The following POGLUT1 variants were observed in gnomAD, a reference collection of about 807,000 sequenced individuals.
POGLUT1 encodes protein O-glucosyltransferase 1, also known as 9630046K23Rik.
A neutral mutation model predicts 61.3 loss-of-function variants in POGLUT1; 32 were observed. The ratio of observed to expected loss-of-function variants is 0.52; its 90% CI spans 0.39 to 0.70. POGLUT1 has a LOEUF of 0.70. Ranked by LOEUF, POGLUT1 falls within the 30% of genes least tolerant of loss-of-function variation. POGLUT1 has a pLI of 0.00. For synonymous variants in POGLUT1, 158 were observed against 158.2 expected (o/e 1.00, Z 0.01); for missense variants, 411 against 469.8 (o/e 0.87, Z 1.16).
intron 5 of POGLUT1, among the ~76,000 whole-genome samples, chr3:119,481,541 T>C (rs2107711783): frequency 6.6e-6 from 1 of 152,296 alleles, no homozygotes. Flanking sequence ...AATATTCCCT[T>C]CCTGAAGAAA....
At chr3:119,480,541 C>T (rs1232850306) in intron 5 of POGLUT1, among the ~76,000 whole-genome samples, 4 of 151,966 alleles carry the variant, frequency 2.6e-5, no homozygotes, top group Non-Finnish European at 4.4e-5. Flanking sequence ...AGCCACCGCG[C>T]CCAGCCTATT....
In POGLUT1 at chr3:119,477,257, T is replaced by C. The variant is rs892681439; in HGVS notation, c.321-56T>C. 1.3e-5 allele frequency: 21 copies of C among 1,572,196 alleles called. No homozygotes were observed. In the South Asian group the frequency reaches 1.8e-4, roughly 13 times the overall value. Reference sequence around the variant, plus strand: ...TTAAAATGTGAATGGGACCTCGCCTTGTCCTAGAGCCTGCAGGCACTACTC... The same window carrying C: ...TTAAAATGTGAATGGGACCTCGCCTCGTCCTAGAGCCTGCAGGCACTACTC... On this transcript the variant is annotated intron_variant, in intron 3 of 10. Transcript: ENST00000295588.
At chr3:119,478,578 C>T in intron 4 of POGLUT1, 1 of 350,430 alleles carries the variant, frequency 2.9e-6, no homozygotes, top group Non-Finnish European at 5.6e-6. Flanking sequence ...TACTTCCCTT[C>T]TGTTTTTTAA....
intron 3 of POGLUT1, among the ~76,000 whole-genome samples, chr3:119,473,127 C>T (rs2081495766): frequency 6.6e-6 from 1 of 152,072 alleles, no homozygotes; most frequent in African/African-American, 2.4e-5. Context: ...TATCAGATAT[C>T]GGAGGAAATA....
intron 6 of POGLUT1, among the ~76,000 whole-genome samples, 180 bp downstream of exon 6, chr3:119,485,567 ATTGAG>A (rs2081655531): frequency 6.6e-6 from 1 of 152,262 alleles, no homozygotes. Flanking sequence ...ATCGCCATTG[ATTGAG>A]TTGATATTCA....
chr3:119,477,885 G>T (rs145064115), intron 4 of POGLUT1, among the ~76,000 whole-genome samples: 1 of 152,198 alleles, frequency 6.6e-6, no homozygotes, highest in Non-Finnish European at 1.5e-5. Context: ...ATATTCCGGG[G>T]GCCCAGGGTG....
Position 119,492,435 on chromosome 3 carries a change from A to G in POGLUT1, c.1176A>G (p.Leu392=), listed in dbSNP as rs140466845. The change falls in exon 11 of 11, where the codon CTA becomes CTG. Residue 392 remains leucine (L), a synonymous_variant. Transcript: ENST00000295588. ...QIIPKMLKTE[L] ...TTCCCAAAATGTTGAAAACTGAACTATAGTAGTCATCATAGGACCATAGTC... is the reference window on the plus strand; with the variant it reads ...TTCCCAAAATGTTGAAAACTGAACTGTAGTAGTCATCATAGGACCATAGTC... 1.5e-3 allele frequency: 2,462 copies of G among 1,590,550 alleles called. 4 individuals are homozygous for G. Among genetic ancestry groups the G allele is most frequent in the Non-Finnish European group, 1.8e-3 (2,128 of 1,164,658 alleles).
chr3:119,488,911 C>T lies in POGLUT1; in HGVS notation c.739-18C>T, dbSNP rs1192622891. 1 of 1,494,760 alleles carries T rather than the reference C, an allele frequency of 6.7e-7. No individual in the cohort carries two copies. The highest frequency in any genetic ancestry group is 2.3e-5 in the East Asian group (1 of 43,950). The allele number at this position is 1,494,760 out of a possible 1,614,324, so 92.6% of individuals were successfully genotyped here. A position where few individuals can be genotyped will look rare whatever the true frequency, so the allele number is the denominator to read the frequency against. ...ATGCTGTTGCTGTTAATACTAATAA[C>T]TTCCTTTCCACTTAAAGGATACCTT... On this transcript the variant is annotated intron_variant, in intron 7 of 10. Transcript: ENST00000295588.
chr3:119,480,760 A>G (rs2081597142), intron 5 of POGLUT1, among the ~76,000 whole-genome samples: 1 of 139,626 alleles, frequency 7.2e-6, no homozygotes, highest in Non-Finnish European at 1.5e-5. Context: ...TTTTTTTGCG[A>G]CACAGTCATG....
Position 119,492,444 on chromosome 3 carries a change from A to T in POGLUT1, c.*6A>T. 1.3e-6 allele frequency: 2 copies of T among 1,568,452 alleles called. No homozygotes were observed. Among genetic ancestry groups the T allele is most frequent in the Non-Finnish European group, 1.7e-6 (2 of 1,151,358 alleles). The stretch of plus-strand genomic sequence containing the variant: ...TGTTGAAAACTGAACTATAGTAGTC[A>T]TCATAGGACCATAGTCCTCTTTGTG... On this transcript the variant is annotated 3_prime_UTR_variant, in exon 11 of 11. Transcript: ENST00000295588.
intron 3 of POGLUT1, among the ~76,000 whole-genome samples, chr3:119,474,387 G>A (rs1203299067): frequency 6.6e-6 from 1 of 151,966 alleles, no homozygotes; most frequent in Non-Finnish European, 1.5e-5. Flanking sequence ...CAACCAAAAC[G>A]TTCCTTCTGC....
At position 119,486,912 on chromosome 3, in the gene POGLUT1, C is replaced by G. The variant is rs1207985944; in HGVS notation, c.718C>G (p.Gln240Glu). 1 of 1,611,160 alleles carries G rather than the reference C, an allele frequency of 6.2e-7. No homozygotes were observed. The highest frequency in any genetic ancestry group is 1.7e-5 in the Admixed American group (1 of 60,000). ...KLVDAEYTKN[Q>E]AWKSMKDTLG... The stretch of plus-strand genomic sequence containing the variant: ...TGTTGATGCAGAATACACCAAAAAC[C>G]AGGCCTGGAAATCTATGAAAGTAAT... Residue 240 changes from glutamine to glutamate, a missense_variant, in exon 7 of 11, where the codon CAG becomes GAG. Gln to Glu is a conservative substitution (Grantham distance 29). Coordinates refer to ENST00000295588, the MANE Select transcript of POGLUT1 (RefSeq NM_152305.3).
chr3:119,487,087 T>G (rs747996067), intron 7 of POGLUT1, 155 bp downstream of exon 7: 11 of 622,238 alleles, frequency 1.8e-5, no homozygotes. Context: ...ATGTAAATTC[T>G]CCTTTTTCAA....
At position 119,492,409 on chromosome 3, in the gene POGLUT1, A is replaced by T. The variant is rs921108483; in HGVS notation, c.1150A>T (p.Ile384Phe). ...VTRRKGYDQI[I>F]PKMLKTEL Reference sequence around the variant, plus strand: ...GAGAAGGAAAGGTTATGATCAAATTATTCCCAAAATGTTGAAAACTGAACT... The same window carrying T: ...GAGAAGGAAAGGTTATGATCAAATTTTTCCCAAAATGTTGAAAACTGAACT... The change falls in exon 11 of 11, where the codon ATT becomes TTT. Residue 384 changes from isoleucine to phenylalanine, a missense_variant. By Grantham distance (21) the Ile-to-Phe change is conservative. Transcript: ENST00000295588. The T allele has an allele frequency of 2.5e-6, 4 of 1,604,712 alleles. No homozygotes were observed. The highest frequency in any genetic ancestry group is 3.4e-5 in the Admixed American group (2 of 59,180).
chr3:119,487,075 AT>A lies in POGLUT1; in HGVS notation c.738+144del, dbSNP rs922594172. ...AAGTTCCATGAACCAGCATTAGCATATATGTAAATTCTCCTTTTTCAAACTT... is the reference window on the plus strand; with the variant it reads ...AAGTTCCATGAACCAGCATTAGCATAATGTAAATTCTCCTTTTTCAAACTT... On this transcript the variant is annotated intron_variant, in intron 7 of 10. Transcript: ENST00000295588. 4.6e-6 allele frequency: 3 copies of A among 645,544 alleles called. No individual in the cohort carries two copies. In the African/African-American group the frequency reaches 5.5e-5, roughly 12 times the overall value. The allele number at this position is 645,544 out of a possible 1,614,324, so 40.0% of individuals were successfully genotyped here. A position where few individuals can be genotyped will look rare whatever the true frequency, so the allele number is the denominator to read the frequency against.
At chr3:119,481,640 A>G (rs2081606735) in intron 5 of POGLUT1, among the ~76,000 whole-genome samples, 1 of 151,978 alleles carries the variant, frequency 6.6e-6, no homozygotes, top group South Asian at 2.1e-4. Context: ...ATTTTAAAAA[A>G]TAATAACTTA....
chr3:119,478,448 C>T (rs945935597), intron 4 of POGLUT1: 29 of 456,410 alleles, frequency 6.4e-5, no homozygotes, highest in Non-Finnish European at 1.3e-4. Flanking sequence ...ATGAAACTCA[C>T]TCAGAAGAAC....
rs146394205 is a variant in POGLUT1, at chr3:119,470,295, G to T, written c.176+385G>T. Among the ~76,000 whole-genome samples the T allele has an allele frequency of 3.2e-3, 494 of 152,308 alleles. 3 individuals carry two copies. The highest frequency in any genetic ancestry group is 0.011 in the African/African-American group (472 of 41,560). On this transcript the variant is annotated intron_variant, in intron 2 of 10. Coordinates refer to ENST00000295588, the MANE Select transcript of POGLUT1 (RefSeq NM_152305.3). ...GTTATCTTTAGAAAATGCACATCAG[G>T]CTGGGCATGGTGGTTCATGCCTGTA...
At chr3:119,477,229 AC>A (rs2081547937) in intron 3 of POGLUT1, 83 bp from the exon 4 acceptor site, 2 of 1,328,300 alleles carry the variant, frequency 1.5e-6, no homozygotes, top group East Asian at 4.6e-5. Context: ...GGCTTGTCTT[AC>A]TTTAAAATGT....
Sources: allele counts gnomAD v4.1 joint callset (sites outside exome capture counted in the v4.1 genomes callset), GRCh38; gene constraint gnomAD v4.1.1; transcripts MANE v1.5; gene names NCBI Gene and HGNC (gene_info 2026-07-23, HGNC 2026-07-21).